The following FASN variants were observed in gnomAD, a reference collection of about 807,000 sequenced individuals.
FASN encodes the protein 3-hydroxyacyl-[acyl-carrier-protein] dehydratase.
FASN carries 50 observed loss-of-function variants against 250.0 expected under a neutral mutation model. The observed-to-expected ratio is 0.20, with a 90% CI of 0.16 to 0.25. FASN has a LOEUF of 0.25. Ranked by LOEUF, FASN falls within the 10% of genes least tolerant of loss-of-function variation. The pLI is 1.00. For synonymous variants in FASN, 1,909 were observed against 1,584.0 expected (o/e 1.21, Z -4.87); for missense variants, 3,031 against 3,498.5 (o/e 0.87, Z 3.37).
rs1438705168 is a variant in FASN, at chr17:82,084,330, G to A, written c.4823C>T (p.Ala1608Val). Residue 1608 changes from alanine (A) to valine (V), a missense_variant, in exon 28 of 43, where the codon GCC (alanine) becomes GTC (valine). Physicochemically the swap from Ala to Val is moderately conservative, Grantham distance 64 (BLOSUM62 0). Coordinates refer to ENST00000306749, the MANE Select transcript of FASN (RefSeq NM_004104.5). ...LLGMEFSGRDASGKRVMGLVP... is the reference protein window; with the variant it reads ...LLGMEFSGRDVSGKRVMGLVP... ...CAGTCCCATCACACGCTTGCCGCTG[G>A]CGTCTCGGCCCGAGAACTCCATACC... is the stretch of plus-strand genomic sequence containing the variant. 2 of 1,609,802 alleles carry A rather than the reference G, an allele frequency of 1.2e-6. No individual in the cohort carries two copies. The highest frequency in any genetic ancestry group is 2.2e-5 in the East Asian group (1 of 44,724).
At chr17:82,090,043 G>A (rs979656223) in intron 11 of FASN, among the ~76,000 whole-genome samples, 21 of 152,214 alleles carry the variant, frequency 1.4e-4, no homozygotes, top group Admixed American at 1.1e-3. Context: ...TGCCAACAGA[G>A]GGCACCAGTC....
Position 82,081,758 on chromosome 17 carries a change from C to T in FASN, c.6249G>A (p.Thr2083=), listed in dbSNP as rs561011095. 40 of 1,612,672 alleles carry T rather than the reference C, an allele frequency of 2.5e-5. No homozygotes were observed. The highest frequency in any genetic ancestry group is 6.7e-5 in the Admixed American group (4 of 60,016). The change falls in exon 37 of 43, where the codon ACG becomes ACA. Residue 2083 remains threonine (T), a synonymous_variant. Transcript: ENST00000306749. ...MSTNDTIVSG[T]LPQRMASCLE... is the part of the protein sequence containing the mutation. ...GGCAGGACGCCATGCGCTGGGGCAG[C>T]GTGCCACTGACGATCGTGTCGTTGG...
Position 82,083,517 on chromosome 17 carries a change from C to T in FASN, c.5341G>A (p.Gly1781Ser), listed in dbSNP as rs373722639. 8 of 1,612,802 alleles carry T rather than the reference C, an allele frequency of 5.0e-6. No homozygotes were observed. The highest frequency in any genetic ancestry group is 3.3e-5 in the Admixed American group (2 of 60,034). ...CCCGCCCAGGCGCTGCCGGCCTCAC[C>T]GAGCGGGTGGTTCTGAGAAAGGTCG... ...KFDLSQNHPL[G>S]MAIFLKNVTF... is the part of the protein sequence containing the mutation. The change falls in exon 31 of 43, where the codon GGC becomes AGC. Residue 1781 changes from glycine (G) to serine (S), a missense_variant and splice_region_variant. Gly to Ser is a moderately conservative substitution (Grantham distance 56). Coordinates refer to ENST00000306749, the MANE Select transcript of FASN (RefSeq NM_004104.5).
At position 82,078,393 on chromosome 17, in the gene FASN, T is replaced by A. The variant is rs2033928749; in HGVS notation, c.*750A>T. On this transcript the variant is annotated 3_prime_UTR_variant, in exon 43 of 43. Coordinates refer to ENST00000306749, the MANE Select transcript of FASN (RefSeq NM_004104.5). The surrounding 1 kb of genome is among the most constrained non-coding windows in gnomAD (Gnocchi z 5.4). ...GCTGAGAGCAGCATTTTTACCAAAT[T>A]GGTGTAAAAATGAAACGGGGTCCAG... The A allele has an allele frequency of 6.6e-6, 1 of 152,264 alleles. No homozygotes were observed. Among genetic ancestry groups the A allele is most frequent in the African/African-American group, 2.4e-5 (1 of 41,440 alleles). 9.4% of individuals were successfully genotyped at this position (152,264 alleles called of 1,614,324 possible). A position where few individuals can be genotyped will look rare whatever the true frequency, so the allele number is the denominator to read the frequency against.
Position 82,095,383 on chromosome 17 carries a change from G to A in FASN, c.217C>T (p.His73Tyr), listed in dbSNP as rs1408202147. 1.9e-6 allele frequency: 3 copies of A among 1,612,992 alleles called. No individual in the cohort carries two copies. The highest frequency in any genetic ancestry group is 1.7e-5 in the Admixed American group (1 of 60,032). Residue 73 changes from histidine to tyrosine, a missense_variant, in exon 3 of 43, where the codon CAC becomes TAC. Coordinates refer to ENST00000306749, the MANE Select transcript of FASN (RefSeq NM_004104.5). ...SFFGVHPKQAHTMDPQLRLLL... is the reference protein window; with the variant it reads ...SFFGVHPKQAYTMDPQLRLLL... ...AGCCGCAGCTGAGGGTCCATCGTGT[G>A]TGCCTGCTTGGGGTGGACTCCGAAG...
At chr17:82,082,485 G>A (rs1172672893) in intron 34 of FASN, 42 bp downstream of exon 34, 4 of 1,610,882 alleles carry the variant, frequency 2.5e-6, no homozygotes, top group Non-Finnish European at 3.4e-6. Flanking sequence ...CCCCCCCTTG[G>A]TCTTGGGGCT....
In FASN at chr17:82,083,910, G is replaced by A. The variant is rs376139588; in HGVS notation, c.5099-19C>T. Reference sequence around the variant, plus strand: ...GCCGACCCTGGTGAAGAGAGGAAGCGCGGCTGGTGAGCCAGGGCGGCGGGG... The same window carrying A: ...GCCGACCCTGGTGAAGAGAGGAAGCACGGCTGGTGAGCCAGGGCGGCGGGG... On this transcript the variant is annotated intron_variant, in intron 29 of 42. Transcript: ENST00000306749. The A allele has an allele frequency of 4.1e-5, 64 of 1,556,264 alleles. No individual in the cohort carries two copies. Among genetic ancestry groups the A allele is most frequent in the Admixed American group, 1.8e-4 (9 of 51,240 alleles).
rs184683361 is a variant in FASN at position 82,090,866 on chromosome 17, G to A, written c.1680+16C>T. ...TGGGGCTGGCGTTGCTCACACGCTG[G>A]CAGGCTGGGCCCTACCTGGATGGCA... On this transcript the variant is annotated intron_variant, in intron 10 of 42. Coordinates refer to ENST00000306749, the MANE Select transcript of FASN (RefSeq NM_004104.5). 27 of 1,568,198 alleles carry A rather than the reference G, an allele frequency of 1.7e-5. No individual in the cohort carries two copies. Among genetic ancestry groups the A allele is most frequent in the Non-Finnish European group, 2.3e-5 (27 of 1,157,764 alleles).
rs770820017 is a variant in FASN at position 82,085,266 on chromosome 17, G to A, written c.4259C>T (p.Thr1420Ile). The A allele has an allele frequency of 5.6e-6, 9 of 1,611,698 alleles. No homozygotes were observed. Among genetic ancestry groups the A allele is most frequent in the Non-Finnish European group, 8.5e-7 (1 of 1,179,554 alleles). The change falls in exon 24 of 43, where the codon ACC becomes ATC. Residue 1420 changes from threonine (T) to isoleucine (I), a missense_variant. Thr to Ile is a moderately conservative substitution (Grantham distance 89). Coordinates refer to ENST00000306749, the MANE Select transcript of FASN (RefSeq NM_004104.5). ...DSPIFLPVDD[T>I]SFRWVESLKG... ...CAGAGACTCCACCCAGCGGAAGCTG[G>A]TATCGTCCACCGGCAGGAAGATGGG...
In FASN at chr17:82,079,513, C is replaced by T. The variant is rs1387486298; in HGVS notation, c.7242G>A (p.Gln2414=). Residue 2414 remains glutamine (Q), a synonymous_variant, in exon 42 of 43, where the codon CAG becomes CAA. Transcript: ENST00000306749. ...AGGACCGGGCCGCAAAGCTCAGCTC[C>T]TGGCGGTCCAGGCCCTGGTGGCTCT... ...IIKSHQGLDR[Q]ELSFAARSFY... is the part of the protein sequence containing the mutation. 6.2e-7 allele frequency: 1 copy of T among 1,612,062 alleles called. No homozygotes were observed. Among genetic ancestry groups the T allele is most frequent in the Non-Finnish European group, 8.5e-7 (1 of 1,179,974 alleles).
rs148026894 is a variant in FASN, at chr17:82,082,919, C to T, written c.5762G>A (p.Arg1921Gln). The change falls in exon 33 of 43, where the codon CGG (arginine) becomes CAG (glutamine). Residue 1921 changes from arginine to glutamine, a missense_variant. Coordinates refer to ENST00000306749, the MANE Select transcript of FASN (RefSeq NM_004104.5). ...AAGCACCCCTGCCGACTCACCTGTC[C>T]GGATCCCGGAGCGAGAAGTCAACAC... is the stretch of plus-strand genomic sequence containing the variant. ...KLVLTSRSGI[R>Q]TGYQAKQVRR... The T allele has an allele frequency of 2.7e-5, 43 of 1,612,610 alleles. No homozygotes were observed. Among genetic ancestry groups the T allele is most frequent in the African/African-American group, 5.3e-5 (4 of 74,924 alleles).
chr17:82,096,268 G>A (rs116181870), intron 2 of FASN, 51 bp downstream of exon 2: 4 of 1,606,664 alleles, frequency 2.5e-6, no homozygotes, highest in African/African-American at 1.3e-5. Flanking sequence ...GAGGACAAAG[G>A]TGGAGATGGA....
chr17:82,092,089 G>A (rs1006588345), intron 8 of FASN, among the ~76,000 whole-genome samples: 2 of 152,172 alleles, frequency 1.3e-5, no homozygotes, highest in Non-Finnish European at 2.9e-5. Flanking sequence ...TCTGCTAGTG[G>A]GTCAGGAAGC....
chr17:82,087,767 C>T lies in FASN; in HGVS notation c.2961G>A (p.Gln987=), dbSNP rs1389496286. ...GACGCAGCTCCTTGTAAACTTCAGCCTGGGCCAGGAAGAGGGGCTCCGTGG... is the reference window on the plus strand; with the variant it reads ...GACGCAGCTCCTTGTAAACTTCAGCTTGGGCCAGGAAGAGGGGCTCCGTGG... ...PNPTEPLFLA[Q]AEVYKELRLR... The change falls in exon 19 of 43, where the codon CAG becomes CAA. Residue 987 remains glutamine, a synonymous_variant. Coordinates refer to ENST00000306749, the MANE Select transcript of FASN (RefSeq NM_004104.5). 6.8e-6 allele frequency: 11 copies of T among 1,612,622 alleles called. No individual in the cohort carries two copies. Among genetic ancestry groups the T allele is most frequent in the Middle Eastern group, 1.7e-4 (1 of 6,030 alleles).
At chr17:82,093,855 T>TGGGACCTTCG in intron 3 of FASN, 84 bp from the exon 4 acceptor site, 1 of 1,338,562 alleles carries the variant, frequency 7.5e-7, no homozygotes, top group Non-Finnish European at 9.8e-7. Flanking sequence ...GGGGCGAAGG[T>TGGGACCTTCG]CCCATCTTGG....
intron 3 of FASN, 73 bp downstream of exon 3, chr17:82,095,247 G>A (rs2034284174): frequency 6.5e-7 from 1 of 1,543,652 alleles, no homozygotes; most frequent in Non-Finnish European, 8.9e-7. Flanking sequence ...CCAGAACCAA[G>A]AAGAGAAAAC....
Position 82,081,305 on chromosome 17 carries a change from G to C in FASN, c.6454C>G (p.Leu2152Val). ...ACGCTCATGAGCGAGTCCAGGCCCAGGTCCGCCAGTGAGCTGTCCAGGTTG... is the reference window on the plus strand; with the variant it reads ...ACGCTCATGAGCGAGTCCAGGCCCACGTCCGCCAGTGAGCTGTCCAGGTTG... ...AVNLDSSLAD[L>V]GLDSLMSVEV... Residue 2152 changes from leucine to valine, a missense_variant, in exon 38 of 43, where the codon CTG becomes GTG. Physicochemically the swap from Leu to Val is conservative, Grantham distance 32. Coordinates refer to ENST00000306749, the MANE Select transcript of FASN (RefSeq NM_004104.5). 1 of 1,557,850 alleles carries C rather than the reference G, an allele frequency of 6.4e-7. No individual in the cohort carries two copies.
At position 82,084,967 on chromosome 17, in the gene FASN, C is replaced by T. The variant is rs752776930; in HGVS notation, c.4410-14G>A. The T allele has an allele frequency of 1.5e-5, 23 of 1,544,802 alleles. No individual in the cohort carries two copies. Among genetic ancestry groups the T allele is most frequent in the East Asian group, 1.2e-4 (5 of 40,910 alleles). On this transcript the variant is annotated splice_polypyrimidine_tract_variant and intron_variant, in intron 25 of 42. Coordinates refer to ENST00000306749, the MANE Select transcript of FASN (RefSeq NM_004104.5). ...AGCAGCACACACCTGGGGGCAGAGG[C>T]GGGGAGCTCAGGCTGGGGATGGGGA... is the stretch of plus-strand genomic sequence containing the variant.
At chr17:82,092,069 T>A (rs2034219939) in intron 8 of FASN, among the ~76,000 whole-genome samples, 1 of 151,846 alleles carries the variant, frequency 6.6e-6, no homozygotes, top group African/African-American at 2.4e-5. Context: ...TCTCTAAAGG[T>A]CCCCAGGCCT....
Sources: gnomAD v4.1 joint callset for allele counts (sites outside exome capture counted in the v4.1 genomes callset) on GRCh38, gnomAD v4.1.1 for gene constraint, Gnocchi (gnomAD v3.1) non-coding constraint, MANE v1.5 for transcripts, NCBI Gene and HGNC (gene_info 2026-07-23, HGNC 2026-07-21) for gene names.